EGFR: variants seen among roughly 807,000 people sequenced by gnomAD.
EGFR encodes the protein avian erythroblastic leukemia viral (v-erb-b) oncogene homolog.
EGFR carries 58 observed loss-of-function variants against 143.0 expected under a neutral mutation model. The observed-to-expected ratio is 0.41, with a 90% confidence interval of 0.33 to 0.50. EGFR has a LOEUF of 0.50. Among genes scored for constraint, EGFR ranks in the 20% least tolerant of loss-of-function variants. EGFR has a pLI of 0.39. For synonymous variants in EGFR, 613 were observed against 594.4 expected, an observed-to-expected ratio of 1.03 and a Z score of -0.45; for missense variants, 1,307 against 1,579.0, an observed-to-expected ratio of 0.83 and a Z score of 2.92.
chr7:55,056,285 C>T (rs557531115), intron 1 of EGFR, among the ~76,000 whole-genome samples: 1 of 152,170 alleles, frequency 6.6e-6, no homozygotes, highest in African/African-American at 2.4e-5. Context: ...CATGAAAGAA[C>T]CTGTCTGATG....
intron 17 of EGFR, among the ~76,000 whole-genome samples, chr7:55,173,349 C>T (rs756812654): frequency 6.6e-6 from 1 of 152,246 alleles, no homozygotes; most frequent in Non-Finnish European, 1.5e-5. Flanking sequence ...GTCCACAAAG[C>T]TGTGTGGCAT....
chr7:55,048,004 AAAT>A (rs1788279168), intron 1 of EGFR, among the ~76,000 whole-genome samples: 1 of 152,184 alleles, frequency 6.6e-6, no homozygotes, highest in Non-Finnish European at 1.5e-5. Flanking sequence ...AAATAATATG[AAAT>A]AATGGTTATC....
chr7:55,149,033 A>G (rs1794903144), intron 4 of EGFR, among the ~76,000 whole-genome samples: 3 of 152,158 alleles, frequency 2.0e-5, no homozygotes, highest in East Asian at 1.9e-4. Context: ...TCCTTGTACT[A>G]TGAATTCCAA....
At position 55,171,185 on chromosome 7, in the gene EGFR, C is replaced by T. The variant is rs552265738; in HGVS notation, c.1891C>T (p.Pro631Ser). The T allele has an allele frequency of 2.7e-5, 43 of 1,614,168 alleles. 1 individual carries two copies. The South Asian group carries it at 4.5e-4, about 17-fold the overall frequency. ...HPNCTYGCTG[P>S]GLEGCPTNGP... ...TTTCACTTCCTACAGATGCACTGGG[C>T]CAGGTCTTGAAGGCTGTCCAACGAA... The change falls in exon 16 of 28, where the codon CCA (proline) becomes TCA (serine). Residue 631 changes from proline to serine, a missense_variant. By Grantham distance (74) the Pro-to-Ser change is moderately conservative. Coordinates refer to ENST00000275493, the MANE Select transcript of EGFR (RefSeq NM_005228.5).
At chr7:55,156,142 G>A (rs190745570) in intron 8 of EGFR, among the ~76,000 whole-genome samples, 196 bp downstream of exon 8, 1 of 152,292 alleles carries the variant, frequency 6.6e-6, no homozygotes, top group African/African-American at 2.4e-5. Flanking sequence ...CGGGGTGGGG[G>A]GCTCTGATGA....
chr7:55,182,045 G>A (rs1249898448), intron 20 of EGFR: 1 of 175,406 alleles, frequency 5.7e-6, no homozygotes, highest in Non-Finnish European at 1.2e-5. Flanking sequence ...GAGTGGTCAG[G>A]TAGCCCTGCC....
chr7:55,046,400 A>G (rs2286962), intron 1 of EGFR, among the ~76,000 whole-genome samples: 3,243 of 152,202 alleles, frequency 0.021, 118 homozygotes, highest in African/African-American at 0.073. Flanking sequence ...TTCCAAAATA[A>G]TGAAGTGAGG....
chr7:55,031,702 A>G (rs1171029821), intron 1 of EGFR, among the ~76,000 whole-genome samples: 1 of 152,252 alleles, frequency 6.6e-6, no homozygotes, highest in Non-Finnish European at 1.5e-5. Flanking sequence ...AAGACATTCA[A>G]ACTATAGCCA....
intron 4 of EGFR, among the ~76,000 whole-genome samples, chr7:55,150,668 A>G (rs1476203958): frequency 6.6e-6 from 1 of 152,242 alleles, no homozygotes; most frequent in Non-Finnish European, 1.5e-5. Flanking sequence ...AACACGACAG[A>G]TGACAGGAAA....
intron 8 of EGFR, 94 bp downstream of exon 8, chr7:55,156,040 C>T (rs1785402936): frequency 1.2e-6 from 1 of 862,518 alleles, no homozygotes; most frequent in Non-Finnish European, 1.9e-6. Flanking sequence ...TTCCTCTTCT[C>T]ATTAAAAAAC....
Position 55,158,165 on chromosome 7 carries a change from T to A in EGFR, c.1298+412T>A, listed in dbSNP as rs17289949. ...AGCTGGTGTTTTCTCAGGATGCAAT[T>A]GAGGTTATGCACATCTTATCACAGG... On this transcript the variant is annotated intron_variant, in intron 11 of 27. Transcript: ENST00000275493. Among the ~76,000 whole-genome samples the A allele has an allele frequency of 5.0e-3, 763 of 152,360 alleles. 11 individuals carry two copies. Among genetic ancestry groups the A allele is most frequent in the African/African-American group, 0.017 (700 of 41,594 alleles).
intron 11 of EGFR, among the ~76,000 whole-genome samples, chr7:55,157,973 T>G (rs1313193914): frequency 6.6e-6 from 1 of 152,228 alleles, no homozygotes; most frequent in African/African-American, 2.4e-5. Context: ...CGCCAGTGCT[T>G]CTGCTTCTGT....
rs139388828 is a variant in EGFR, at chr7:55,163,728, C to G, written c.1632-5C>G. On this transcript the variant is annotated splice_polypyrimidine_tract_variant and splice_region_variant and intron_variant, in intron 13 of 27. Transcript: ENST00000275493. ...GGCTGACGGGTTTCCTCTTCCTCCT[C>G]TCAGTGAGCCAAGGGAGTTTGTGGA... 3 of 1,613,986 alleles carry G rather than the reference C, an allele frequency of 1.9e-6. No homozygotes were observed. Among genetic ancestry groups the G allele is most frequent in the Non-Finnish European group, 2.5e-6 (3 of 1,179,918 alleles).
intron 1 of EGFR, among the ~76,000 whole-genome samples, chr7:55,053,800 G>A (rs551541209): frequency 4.9e-4 from 75 of 152,322 alleles, no homozygotes; most frequent in Middle Eastern, 3.4e-3. Context: ...GAGGACATCC[G>A]ATTCCCAGCC....
chr7:55,171,047 A>G, intron 15 of EGFR, 128 bp from the exon 16 acceptor site: 1 of 1,528,182 alleles, frequency 6.5e-7, no homozygotes, highest in Non-Finnish European at 8.8e-7. Context: ...ACATCCAGAC[A>G]CATAGTGATT....
intron 1 of EGFR, among the ~76,000 whole-genome samples, chr7:55,105,648 G>T (rs959599001): frequency 6.6e-6 from 1 of 152,142 alleles, no homozygotes; most frequent in African/African-American, 2.4e-5. Flanking sequence ...TGCAAATTGA[G>T]ACCACCTACA....
rs80152403 is a variant in EGFR at position 55,026,190 on chromosome 7, C to T, written c.88+6825C>T. Among the ~76,000 whole-genome samples the T allele has an allele frequency of 2.5e-3, 384 of 152,204 alleles. 3 individuals are homozygous for T. The highest frequency in any genetic ancestry group is 0.022 in the East Asian group (113 of 5,176). ...AGTGGATTACATGTTGTATGTAGCT[C>T]GTAACGAAAGAAATCTTGTCTTTGC... On this transcript the variant is annotated intron_variant, in intron 1 of 27. Transcript: ENST00000275493.
intron 22 of EGFR, among the ~76,000 whole-genome samples, chr7:55,194,899 T>C (rs1471696358): frequency 6.6e-6 from 1 of 152,260 alleles, no homozygotes; most frequent in Non-Finnish European, 1.5e-5. Context: ...AAAAATCATA[T>C]CCTGTTTTCT....
At chr7:55,095,903 G>C (rs1052058494) in intron 1 of EGFR, among the ~76,000 whole-genome samples, 1 of 150,218 alleles carries the variant, frequency 6.7e-6, no homozygotes, top group East Asian at 2.0e-4. Context: ...CACACACAGA[G>C]AGACATACAT....
Sources: allele counts gnomAD v4.1 joint callset (sites outside exome capture counted in the v4.1 genomes callset), GRCh38; gene constraint gnomAD v4.1.1; transcripts MANE v1.5; gene names NCBI Gene and HGNC (gene_info 2026-07-23, HGNC 2026-07-21).